The following ITCH variants were observed in gnomAD, a reference collection of about 807,000 sequenced individuals.
ITCH encodes the protein E3 ubiquitin-protein ligase Itchy homolog.
ITCH carries 28 observed loss-of-function variants against 126.8 expected under a neutral mutation model. The observed-to-expected ratio is 0.22, with a 90% CI of 0.16 to 0.30. The LOEUF (loss-of-function observed/expected upper bound fraction) is 0.30, where lower values mean the gene tolerates loss of function less well. ITCH is among the 10% of genes least tolerant of loss of function. ITCH has a pLI of 1.00. For missense variants in ITCH, 631 were observed against 1,032.4 expected, an observed-to-expected ratio of 0.61 and a Z score of 5.33; for synonymous variants, 342 against 340.0, an observed-to-expected ratio of 1.01 and a Z score of -0.06.
intron 3 of ITCH, chr20:34,402,390 C>G: frequency 2.5e-6 from 2 of 791,830 alleles, no homozygotes; most frequent in South Asian, 2.7e-5. Flanking sequence ...TCCCAACAAG[C>G]AACAAAGGAG....
chr20:34,402,251 A>G (rs2038913110), intron 3 of ITCH: 1 of 1,275,044 alleles, frequency 7.8e-7, no homozygotes, highest in East Asian at 2.3e-5. Context: ...TGAGTGCAGA[A>G]CACTCCACGT....
At chr20:34,425,555 G>T (rs1358109826) in intron 7 of ITCH, among the ~76,000 whole-genome samples, 2 of 152,198 alleles carry the variant, frequency 1.3e-5, no homozygotes, top group Non-Finnish European at 2.9e-5. Context: ...TCTATTCTGA[G>T]ATAGGAGAAA....
rs60619641 is a variant in ITCH at position 34,496,803 on chromosome 20, C to CAA, written c.2416+4223_2416+4224dup. On this transcript the variant is annotated intron_variant, in intron 23 of 24. Coordinates refer to ENST00000374864, the MANE Select transcript of ITCH (RefSeq NM_031483.7). ...GGGCAAGAAGAGCAACACTCCATCT[C>CAA]AAAAAAAAAAAAAAAAAAGAAAAGA... Among the ~76,000 whole-genome samples, 465 of 99,362 alleles carry CAA rather than the reference C, an allele frequency of 4.7e-3. 5 individuals are homozygous for CAA. Among genetic ancestry groups the CAA allele is most frequent in the African/African-American group, 0.016 (434 of 26,342 alleles). The allele number at this position is 99,362 out of a possible 152,430, so 65.2% of individuals were successfully genotyped here. A position where few individuals can be genotyped will look rare whatever the true frequency, so the allele number is the denominator to read the frequency against.
intron 4 of ITCH, among the ~76,000 whole-genome samples, chr20:34,411,743 G>A (rs964902412): frequency 6.6e-6 from 1 of 152,132 alleles, no homozygotes; most frequent in Admixed American, 6.6e-5. Context: ...TGAACCATAG[G>A]ACTGTGGTAG....
At chr20:34,477,125 A>G (rs1988303187) in intron 16 of ITCH, among the ~76,000 whole-genome samples, 2 of 152,154 alleles carry the variant, frequency 1.3e-5, no homozygotes. Flanking sequence ...TATGAGTCAA[A>G]ACCAAACCTA....
intron 20 of ITCH, among the ~76,000 whole-genome samples, chr20:34,484,095 T>C (rs1476068253): frequency 3.9e-5 from 6 of 152,108 alleles, no homozygotes; most frequent in African/African-American, 1.4e-4. Context: ...CCATAACACA[T>C]AGGAATTATG....
At chr20:34,472,490 T>G (rs1299409276) in intron 16 of ITCH, among the ~76,000 whole-genome samples, 1 of 152,088 alleles carries the variant, frequency 6.6e-6, no homozygotes, top group African/African-American at 2.4e-5. Flanking sequence ...TGTAGAAGAT[T>G]AAAATAACTA....
At chr20:34,381,451 G>T (rs1224297652) in intron 2 of ITCH, among the ~76,000 whole-genome samples, 1 of 151,294 alleles carries the variant, frequency 6.6e-6, no homozygotes, top group Admixed American at 6.6e-5. Flanking sequence ...TTTTGAGATG[G>T]AGTCTTGCTT....
At chr20:34,452,963 T>C (rs560621791) in intron 12 of ITCH, among the ~76,000 whole-genome samples, 4 of 152,246 alleles carry the variant, frequency 2.6e-5, no homozygotes, top group African/African-American at 9.6e-5. Context: ...TATGAAGATA[T>C]TCTCTCATTT....
intron 4 of ITCH, among the ~76,000 whole-genome samples, chr20:34,411,437 AGCC>A (rs1979024660): frequency 6.6e-6 from 1 of 152,328 alleles, no homozygotes; most frequent in South Asian, 2.1e-4. Flanking sequence ...TACAGGCGTG[AGCC>A]ATTGCGCCTG....
At chr20:34,425,499 C>CTCGT (rs1456672737) in intron 7 of ITCH, among the ~76,000 whole-genome samples, 2 of 152,146 alleles carry the variant, frequency 1.3e-5, no homozygotes, top group Non-Finnish European at 2.9e-5. Context: ...CTATCTCCTG[C>CTCGT]TCGTCCCTGG....
At chr20:34,385,193 G>A (rs1408926128) in intron 2 of ITCH, among the ~76,000 whole-genome samples, 3 of 126,250 alleles carry the variant, frequency 2.4e-5, no homozygotes, top group South Asian at 2.6e-4. Flanking sequence ...AATTTTATGT[G>A]TGTGTGTGTG....
intron 7 of ITCH, among the ~76,000 whole-genome samples, chr20:34,428,885 G>T (rs1403060609): frequency 6.6e-6 from 1 of 152,144 alleles, no homozygotes; most frequent in Non-Finnish European, 1.5e-5. Context: ...TAAGATTGTG[G>T]AATAGGGGAA....
At chr20:34,397,928 CAG>C (rs1233079370) in intron 3 of ITCH, among the ~76,000 whole-genome samples, 2 of 151,552 alleles carry the variant, frequency 1.3e-5, no homozygotes, top group African/African-American at 4.9e-5. Flanking sequence ...AAATTATTCT[CAG>C]AGACAATGAT....
chr20:34,462,534 TAA>T (rs1396002296), intron 14 of ITCH, among the ~76,000 whole-genome samples: 10 of 152,192 alleles, frequency 6.6e-5, no homozygotes, highest in Non-Finnish European at 1.3e-4. Context: ...TTTTTGACGT[TAA>T]AAAAGCTCTC....
intron 3 of ITCH, among the ~76,000 whole-genome samples, chr20:34,405,212 A>G (rs1341952313): frequency 2.0e-5 from 3 of 151,944 alleles, no homozygotes; most frequent in Non-Finnish European, 4.4e-5. Flanking sequence ...TGCTTTCACA[A>G]ATTTGAATCC....
At chr20:34,408,017 C>G (rs1422708533) in intron 3 of ITCH, among the ~76,000 whole-genome samples, 1 of 152,144 alleles carries the variant, frequency 6.6e-6, no homozygotes, top group Non-Finnish European at 1.5e-5. Flanking sequence ...TCTTAAACAC[C>G]TAGGCTCAAG....
intron 3 of ITCH, among the ~76,000 whole-genome samples, chr20:34,398,980 TCTC>T (rs1177560906): frequency 1.3e-5 from 2 of 152,204 alleles, no homozygotes; most frequent in Non-Finnish European, 2.9e-5. Flanking sequence ...TTTGCACAAA[TCTC>T]CTTAATGACA....
chr20:34,508,175 C>G lies in ITCH; in HGVS notation c.*381C>G, dbSNP rs1379614294. ...GAAGTCCTTTGGTAACTGCAATATA[C>G]AAGATTTTCCTATTAAGCCTCTTGG... On this transcript the variant is annotated 3_prime_UTR_variant, in exon 25 of 25. Transcript: ENST00000374864. 2 of 242,772 alleles carry G rather than the reference C, an allele frequency of 8.2e-6. No homozygotes were observed. The highest frequency in any genetic ancestry group is 1.7e-5 in the Non-Finnish European group (2 of 120,920). The allele number at this position is 242,772 out of a possible 1,614,324, so 15.0% of individuals were successfully genotyped here.
Sources: gnomAD v4.1 joint callset for allele counts (sites outside exome capture counted in the v4.1 genomes callset) on GRCh38, gnomAD v4.1.1 for gene constraint, MANE v1.5 for transcripts, NCBI Gene and HGNC (gene_info 2026-07-23, HGNC 2026-07-21) for gene names.